The following MAP2K5 variants were observed in gnomAD, a reference collection of about 807,000 sequenced individuals.
The protein encoded by MAP2K5 is dual specificity mitogen-activated protein kinase kinase 5.
Under a neutral mutation model 83.1 loss-of-function variants are expected in MAP2K5, and 49 were observed. The ratio of observed to expected loss-of-function variants is 0.59; its 90% CI spans 0.47 to 0.75. The LOEUF (loss-of-function observed/expected upper bound fraction) is 0.75, where lower values mean the gene tolerates loss of function less well. Ranked by LOEUF, MAP2K5 falls within the 30% of genes least tolerant of loss-of-function variation. The probability of loss-of-function intolerance (pLI) is 0.00; values close to 1 mark genes in which losing one functional copy is unlikely to be tolerated. For missense variants in MAP2K5, 457 were observed against 557.5 expected, an observed-to-expected ratio of 0.82 and a Z score of 1.82; for synonymous variants, 202 against 191.8, an observed-to-expected ratio of 1.05 and a Z score of -0.44.
intron 16 of MAP2K5, among the ~76,000 whole-genome samples, chr15:67,725,361 G>A (rs937577903): frequency 2.0e-5 from 3 of 152,190 alleles, no homozygotes; most frequent in South Asian, 2.1e-4. Flanking sequence ...GTGTTGAATC[G>A]GGAAGAATTC....
chr15:67,805,352 C>A (rs76549626), intron 21 of MAP2K5, among the ~76,000 whole-genome samples: 323 of 152,334 alleles, frequency 2.1e-3, no homozygotes, highest in Non-Finnish European at 2.7e-3. Context: ...TCCAGAGGGG[C>A]CATGCCGTCC....
intron 21 of MAP2K5, among the ~76,000 whole-genome samples, chr15:67,800,312 G>GTT (rs369267206): frequency 2.6e-4 from 39 of 151,086 alleles, no homozygotes; most frequent in African/African-American, 9.3e-4. Context: ...TAGAAGTGGG[G>GTT]TTTTTTTTTA....
At chr15:67,610,913 A>T (rs771761765) in intron 8 of MAP2K5, among the ~76,000 whole-genome samples, 3 of 152,232 alleles carry the variant, frequency 2.0e-5, no homozygotes, top group Non-Finnish European at 4.4e-5. Flanking sequence ...AAGAGAGAGT[A>T]CAGTGGTATT....
chr15:67,620,278 G>A (rs1056676049), intron 8 of MAP2K5, among the ~76,000 whole-genome samples: 1 of 152,162 alleles, frequency 6.6e-6, no homozygotes, highest in Admixed American at 6.5e-5. Context: ...GGCTGAGGCA[G>A]GAGAATCGCT....
At chr15:67,598,544 G>A (rs1213380436) in intron 7 of MAP2K5, among the ~76,000 whole-genome samples, 1 of 152,166 alleles carries the variant, frequency 6.6e-6, no homozygotes, top group African/African-American at 2.4e-5. Flanking sequence ...CCCCGCCTGT[G>A]CCCTGACAGT....
intron 19 of MAP2K5, among the ~76,000 whole-genome samples, chr15:67,752,120 G>C (rs1025237923): frequency 5.3e-5 from 8 of 151,962 alleles, no homozygotes; most frequent in Non-Finnish European, 1.2e-4. Context: ...GGCTGGAGTG[G>C]AGTGGCACAA....
intron 9 of MAP2K5, among the ~76,000 whole-genome samples, chr15:67,643,269 G>A (rs896955312): frequency 6.6e-6 from 1 of 152,158 alleles, no homozygotes; most frequent in Non-Finnish European, 1.5e-5. Flanking sequence ...TATGCTATAG[G>A]ATTGAACTGA....
rs1305628698 is a variant in MAP2K5 at position 67,778,407 on chromosome 15, G to A, written c.1242+5655G>A. Among the ~76,000 whole-genome samples, 1 of 152,150 alleles carries A rather than the reference G, an allele frequency of 6.6e-6. No homozygotes were observed. Among genetic ancestry groups the A allele is most frequent in the African/African-American group, 2.4e-5 (1 of 41,438 alleles). On this transcript the variant is annotated intron_variant, in intron 21 of 21. Coordinates refer to ENST00000178640, the MANE Select transcript of MAP2K5 (RefSeq NM_145160.3). This position sits in a 1 kb window ranked among gnomAD's most constrained non-coding sequence, Gnocchi z 5.0. ...TGTGACTTTGGGCTTCACACCAAATGGCTTTGTTTCATTGTTAGACCCAAA... is the reference window on the plus strand; with the variant it reads ...TGTGACTTTGGGCTTCACACCAAATAGCTTTGTTTCATTGTTAGACCCAAA...
rs1253487094 is a variant in MAP2K5 at position 67,768,306 on chromosome 15, GATA to G, written c.1135-1293_1135-1291del. 6.6e-6 allele frequency among the ~76,000 whole-genome samples: 1 copy of G among 152,154 alleles called. No homozygotes were observed. The highest frequency in any genetic ancestry group is 1.5e-5 in the Non-Finnish European group (1 of 68,026). ...GCAATTGTATCTATCTGCCACCATT[GATA>G]ATGACACGCATATTGCAGAGGTGCT... is the stretch of plus-strand genomic sequence containing the variant. On this transcript the variant is annotated intron_variant, in intron 19 of 21. Transcript: ENST00000178640. The surrounding 1 kb of genome is among the most constrained non-coding windows in gnomAD (Gnocchi z 4.0).
chr15:67,733,497 C>A (rs1034571667), intron 17 of MAP2K5, among the ~76,000 whole-genome samples: 2 of 151,940 alleles, frequency 1.3e-5, no homozygotes, highest in African/African-American at 4.8e-5. Context: ...TGGAGAAGAT[C>A]ACTTTTATTG....
chr15:67,575,450 C>G (rs553950757), intron 3 of MAP2K5, among the ~76,000 whole-genome samples: 1 of 152,160 alleles, frequency 6.6e-6, no homozygotes, highest in Non-Finnish European at 1.5e-5. Context: ...GCACAGATGT[C>G]TTCACACTGC....
rs540232429 is a variant in MAP2K5 at position 67,617,022 on chromosome 15, C to T, written c.546-13866C>T. ...GAAGTGCCCTGTGTCCTTCATAGAACAGTGGCAATACTATCATTTCAGTGT... is the reference window on the plus strand; with the variant it reads ...GAAGTGCCCTGTGTCCTTCATAGAATAGTGGCAATACTATCATTTCAGTGT... On this transcript the variant is annotated intron_variant, in intron 8 of 21. Transcript: ENST00000178640. Among the ~76,000 whole-genome samples the T allele has an allele frequency of 2.0e-5, 3 of 152,256 alleles. No individual in the cohort carries two copies. The South Asian group carries it at 6.2e-4, about 32-fold the overall frequency.
chr15:67,741,599 A>G (rs555691067), intron 17 of MAP2K5, among the ~76,000 whole-genome samples: 23 of 152,072 alleles, frequency 1.5e-4, no homozygotes, highest in Non-Finnish European at 2.9e-4. Flanking sequence ...ACCACCTACC[A>G]TACCCTAGAG....
chr15:67,756,150 C>T (rs931120071), intron 19 of MAP2K5, among the ~76,000 whole-genome samples: 6 of 152,340 alleles, frequency 3.9e-5, no homozygotes, highest in African/African-American at 1.4e-4. Flanking sequence ...AGTGCTCCTA[C>T]AAGGGACACT....
Position 67,805,469 on chromosome 15 carries a change from T to C in MAP2K5, c.1243-1177T>C, listed in dbSNP as rs564523855. Reference sequence around the variant, plus strand: ...TTGTGATGAGCTCGTGGCGAGGCCATGCGGCTCTTTAAGCAGCCTCTCTAG... The same window carrying C: ...TTGTGATGAGCTCGTGGCGAGGCCACGCGGCTCTTTAAGCAGCCTCTCTAG... On this transcript the variant is annotated intron_variant, in intron 21 of 21. Transcript: ENST00000178640. Among the ~76,000 whole-genome samples, 15 of 152,336 alleles carry C rather than the reference T, an allele frequency of 9.8e-5. 1 individual carries two copies. The East Asian group carries it at 2.5e-3, about 25-fold the overall frequency.
chr15:67,570,861 A>G (rs1219697102), intron 3 of MAP2K5, among the ~76,000 whole-genome samples: 1 of 152,216 alleles, frequency 6.6e-6, no homozygotes, highest in Non-Finnish European at 1.5e-5. Flanking sequence ...TGAAAATTTT[A>G]TCATTAGTAT....
rs1236462896 is a variant in MAP2K5 at position 67,652,346 on chromosome 15, A to C, written c.736+5877A>C. On this transcript the variant is annotated intron_variant, in intron 11 of 21. Coordinates refer to ENST00000178640, the MANE Select transcript of MAP2K5 (RefSeq NM_145160.3). This position sits in a 1 kb window ranked among gnomAD's most constrained non-coding sequence, Gnocchi z 4.2. ...CTGAGACTGGGTAATTTATAAAGAA[A>C]AGTGGTTTATTTGGCTTATTATTTT... Among the ~76,000 whole-genome samples the C allele has an allele frequency of 6.6e-6, 1 of 152,180 alleles. No individual in the cohort carries two copies. Among genetic ancestry groups the C allele is most frequent in the Non-Finnish European group, 1.5e-5 (1 of 68,038 alleles).
rs1164419403 is a variant in MAP2K5, at chr15:67,652,482, C to T, written c.736+6013C>T. On this transcript the variant is annotated intron_variant, in intron 11 of 21. Coordinates refer to ENST00000178640, the MANE Select transcript of MAP2K5 (RefSeq NM_145160.3). The surrounding 1 kb of genome is among the most constrained non-coding windows in gnomAD (Gnocchi z 4.2). ...GAGGGAGGTCCCAGACACTTTTTAA[C>T]AACCAAATCTTGCAGGAACTTAGAG... 1.3e-5 allele frequency among the ~76,000 whole-genome samples: 2 copies of T among 152,140 alleles called. No individual in the cohort carries two copies. Among genetic ancestry groups the T allele is most frequent in the Non-Finnish European group, 2.9e-5 (2 of 68,026 alleles).
chr15:67,774,163 GTGTA>G lies in MAP2K5; in HGVS notation c.1242+1415_1242+1418del, dbSNP rs1295035630. Reference sequence around the variant, plus strand: ...AGTGCCTTGAAAGCAAGTGATGTGTGTGTATGTGTGTGTGTGTGTGTGTGTGTGT... The same window carrying G: ...AGTGCCTTGAAAGCAAGTGATGTGTGTGTGTGTGTGTGTGTGTGTGTGTGT... On this transcript the variant is annotated intron_variant, in intron 21 of 21. Coordinates refer to ENST00000178640, the MANE Select transcript of MAP2K5 (RefSeq NM_145160.3). This position sits in a 1 kb window ranked among gnomAD's most constrained non-coding sequence, Gnocchi z 4.9. Among the ~76,000 whole-genome samples, 33 of 36,146 alleles carry G rather than the reference GTGTA, an allele frequency of 9.1e-4. No individual in the cohort carries two copies. Among genetic ancestry groups the G allele is most frequent in the African/African-American group, 2.2e-3 (29 of 13,336 alleles). 23.7% of individuals were successfully genotyped at this position (36,146 alleles called of 152,430 possible).
Sources: allele counts gnomAD v4.1 joint callset (sites outside exome capture counted in the v4.1 genomes callset), GRCh38; gene constraint gnomAD v4.1.1; non-coding constraint Gnocchi (gnomAD v3.1); transcripts MANE v1.5; gene names NCBI Gene and HGNC (gene_info 2026-07-23, HGNC 2026-07-21).